Variants in LDB2 observed in about 807,000 individuals in gnomAD.
LDB2 encodes the protein LIM domain-binding protein 2.
LDB2 carries 12 observed loss-of-function variants against 44.3 expected under a neutral mutation model. The observed-to-expected ratio is 0.27, with a 90% CI of 0.17 to 0.44. The LOEUF (loss-of-function observed/expected upper bound fraction) is 0.44, where lower values mean the gene tolerates loss of function less well. Ranked by LOEUF, LDB2 falls within the 20% of genes least tolerant of loss-of-function variation. The pLI is 1.00. For synonymous variants in LDB2, 164 were observed against 174.8 expected, an observed-to-expected ratio of 0.94 and a Z score of 0.49; for missense variants, 344 against 473.5, an observed-to-expected ratio of 0.73 and a Z score of 2.54.
Position 16,556,807 on chromosome 4 carries a change from T to G in LDB2, c.615+29115A>C, listed in dbSNP as rs185407554. The stretch of plus-strand genomic sequence containing the variant: ...GTTACCAGTTTGTAGTTGTACATAA[T>G]GAAATCAGTCCATCATACATTTTTA... On this transcript the variant is annotated intron_variant, in intron 5 of 7. Transcript: ENST00000304523. 3.4e-3 allele frequency among the ~76,000 whole-genome samples: 513 copies of G among 152,352 alleles called. 1 individual carries two copies. Among genetic ancestry groups the G allele is most frequent in the African/African-American group, 0.012 (490 of 41,584 alleles).
At chr4:16,524,330 T>C (rs540766082) in intron 5 of LDB2, among the ~76,000 whole-genome samples, 6 of 152,038 alleles carry the variant, frequency 3.9e-5, no homozygotes, top group Non-Finnish European at 7.4e-5. Flanking sequence ...ATGCACATAA[T>C]AAAGAAGGGC....
chr4:16,791,697 TA>T (rs1292072691), intron 1 of LDB2, among the ~76,000 whole-genome samples: 1 of 152,164 alleles, frequency 6.6e-6, no homozygotes, highest in Non-Finnish European at 1.5e-5. Flanking sequence ...GAAAGATAGC[TA>T]ATCAGGTAAT....
intron 1 of LDB2, among the ~76,000 whole-genome samples, chr4:16,856,866 T>C (rs1046895887): frequency 6.6e-6 from 1 of 152,234 alleles, no homozygotes; most frequent in Admixed American, 6.5e-5. Context: ...ATGCATGTCA[T>C]TGTAGCATTA....
intron 5 of LDB2, among the ~76,000 whole-genome samples, chr4:16,566,407 G>T (rs1744537012): frequency 6.6e-6 from 1 of 152,064 alleles, no homozygotes; most frequent in South Asian, 2.1e-4. Context: ...TTAGAAATAT[G>T]CTAAAAATAA....
chr4:16,623,618 T>A (rs966827028), intron 2 of LDB2, among the ~76,000 whole-genome samples: 3 of 141,734 alleles, frequency 2.1e-5, no homozygotes, highest in Non-Finnish European at 4.6e-5. Context: ...AATAAATAAA[T>A]AAAAATAAAA....
intron 2 of LDB2, among the ~76,000 whole-genome samples, chr4:16,647,513 T>A (rs1242810221): frequency 1.3e-5 from 2 of 152,206 alleles, no homozygotes; most frequent in Non-Finnish European, 2.9e-5. Context: ...TATATCATCA[T>A]AATATGCAGC....
intron 2 of LDB2, among the ~76,000 whole-genome samples, chr4:16,640,124 A>G (rs923482167): frequency 6.6e-6 from 1 of 152,230 alleles, no homozygotes; most frequent in Non-Finnish European, 1.5e-5. Context: ...CCTTTGTAGT[A>G]GTTATGTCAG....
chr4:16,788,549 A>T (rs1774993532), intron 1 of LDB2, among the ~76,000 whole-genome samples: 1 of 152,188 alleles, frequency 6.6e-6, no homozygotes, highest in South Asian at 2.1e-4. Flanking sequence ...GTCTTCTAAA[A>T]GGTGTGGGCC....
intron 2 of LDB2, among the ~76,000 whole-genome samples, chr4:16,667,051 G>A (rs1486741097): frequency 6.6e-6 from 1 of 152,174 alleles, no homozygotes; most frequent in Non-Finnish European, 1.5e-5. Flanking sequence ...ACCTGGGACT[G>A]TCAAGGGCCA....
At chr4:16,556,070 TA>T in intron 5 of LDB2, among the ~76,000 whole-genome samples, 1 of 152,340 alleles carries the variant, frequency 6.6e-6, no homozygotes, top group Admixed American at 6.5e-5. Flanking sequence ...ACAGTCCAAC[TA>T]TCACCTTCTC....
At chr4:16,560,446 C>A (rs1270359051) in intron 5 of LDB2, among the ~76,000 whole-genome samples, 1 of 152,176 alleles carries the variant, frequency 6.6e-6, no homozygotes, top group African/African-American at 2.4e-5. Flanking sequence ...CACCTCTACG[C>A]AAATAAACTA....
chr4:16,807,511 G>T (rs945219268), intron 1 of LDB2, among the ~76,000 whole-genome samples: 1 of 152,098 alleles, frequency 6.6e-6, no homozygotes, highest in African/African-American at 2.4e-5. Flanking sequence ...CTTTCTTCTT[G>T]CTCTCTTACT....
chr4:16,595,580 T>A, intron 3 of LDB2, 123 bp downstream of exon 3: 1 of 771,142 alleles, frequency 1.3e-6, no homozygotes, highest in Non-Finnish European at 2.1e-6. Flanking sequence ...GATTCTCTCA[T>A]GGTGTTGAAA....
intron 1 of LDB2, among the ~76,000 whole-genome samples, chr4:16,782,912 G>C (rs1032351579): frequency 4.6e-5 from 7 of 151,874 alleles, no homozygotes; most frequent in African/African-American, 1.7e-4. Flanking sequence ...GATAACTTTA[G>C]ACAATGAGAA....
intron 5 of LDB2, among the ~76,000 whole-genome samples, chr4:16,549,878 T>A: frequency 6.6e-6 from 1 of 152,166 alleles, no homozygotes; most frequent in African/African-American, 2.4e-5. Context: ...CAAAAATTAA[T>A]AAAAATGTTA....
intron 5 of LDB2, among the ~76,000 whole-genome samples, chr4:16,532,733 A>C (rs1025630953): frequency 3.3e-5 from 5 of 152,214 alleles, no homozygotes; most frequent in African/African-American, 1.2e-4. Flanking sequence ...CCTTGCTCCG[A>C]ATAATAACCA....
chr4:16,609,173 G>A (rs1273506889), intron 2 of LDB2, among the ~76,000 whole-genome samples: 2 of 152,256 alleles, frequency 1.3e-5, no homozygotes, highest in Middle Eastern at 3.4e-3. Context: ...TCCCAGCCAA[G>A]GGAGATGGTA....
At chr4:16,606,164 C>A (rs1429429505) in intron 2 of LDB2, among the ~76,000 whole-genome samples, 1 of 152,002 alleles carries the variant, frequency 6.6e-6, no homozygotes, top group African/African-American at 2.4e-5. Context: ...TTAAATGTAT[C>A]TATATGGTAG....
chr4:16,613,760 A>T (rs1726328495), intron 2 of LDB2, among the ~76,000 whole-genome samples: 2 of 152,194 alleles, frequency 1.3e-5, no homozygotes, highest in African/African-American at 4.8e-5. Context: ...TGCTCAAGGA[A>T]ATAAGAGAGG....
Sources: allele counts gnomAD v4.1 joint callset (sites outside exome capture counted in the v4.1 genomes callset), GRCh38; gene constraint gnomAD v4.1.1; transcripts MANE v1.5; gene names NCBI Gene and HGNC (gene_info 2026-07-23, HGNC 2026-07-21).